FRMPD4: variants seen among roughly 807,000 people sequenced by gnomAD.
The protein encoded by FRMPD4 is FERM and PDZ domain containing 4, also known as FERM and PDZ domain-containing protein 4.
FRMPD4 carries 22 observed loss-of-function variants against 94.1 expected under a neutral mutation model. The ratio of observed to expected loss-of-function variants is 0.23; its 90% CI spans 0.17 to 0.33. The LOEUF (loss-of-function observed/expected upper bound fraction) is 0.33. Among genes scored for constraint, FRMPD4 ranks in the 10% least tolerant of loss-of-function variants. FRMPD4 has a pLI of 1.00. For synonymous variants in FRMPD4, 631 were observed against 548.6 expected (o/e 1.15, Z -2.10); for missense variants, 1,111 against 1,339.9 (o/e 0.83, Z 2.67).
intron 2 of FRMPD4, among the ~76,000 whole-genome samples, chrX:11,877,868 G>A (rs975811393): frequency 5.4e-5 from 6 of 111,795 alleles, no homozygotes; most frequent in African/African-American, 2.0e-4. Context: ...AAAGAATAAA[G>A]AAGAGGTTCT....
chrX:12,481,950 A>AAAAAAAATAAAAAAT lies in FRMPD4; in HGVS notation c.42-16723_42-16722insTAAAAAATAAAAAAA, dbSNP rs1445417361. ...AGAGCAAGACTACATCTCAAAAAAA[A>AAAAAAAATAAAAAAT]AAAAAAAAAAAAAAAAAAAAAGAAA... On this transcript the variant is annotated intron_variant, in intron 1 of 16. Coordinates refer to ENST00000675598, the MANE Select transcript of FRMPD4 (RefSeq NM_001368397.1). 5.8e-4 allele frequency among the ~76,000 whole-genome samples: 51 copies of AAAAAAAATAAAAAAT among 88,385 alleles called. 1 individual carries two copies. Among genetic ancestry groups the AAAAAAAATAAAAAAT allele is most frequent in the Middle Eastern group, 5.6e-3 (1 of 178 alleles). 76.8% of individuals were successfully genotyped at this position (88,385 alleles called of 115,157 possible). A position where few individuals can be genotyped will look rare whatever the true frequency, so the allele number is the denominator to read the frequency against.
intron 2 of FRMPD4, among the ~76,000 whole-genome samples, chrX:12,508,991 CAAAA>C (rs770698547): frequency 8.2e-4 from 25 of 30,534 alleles, no homozygotes; most frequent in Non-Finnish European, 1.2e-3. Flanking sequence ...GACTCTGTCT[CAAAA>C]AAAAAAAAAA....
chrX:12,160,707 G>A (rs941006365), intron 1 of FRMPD4, among the ~76,000 whole-genome samples: 13 of 111,443 alleles, frequency 1.2e-4, no homozygotes, highest in East Asian at 2.8e-4. Context: ...AGGCAGAAGG[G>A]TATCACATTC....
Position 11,998,613 on chromosome X carries a change from G to T in FRMPD4, c.95+120595G>T, listed in dbSNP as rs776130504. On this transcript the variant is annotated intron_variant, in intron 3 of 18. Coordinates refer to the FRMPD4 transcript ENST00000640291. ...AGACCATGGCCTTACTGTCTTTTCT[G>T]CCTAACTGCAGTCTAAAATCCTGTT... Among the ~76,000 whole-genome samples the T allele has an allele frequency of 7.2e-5, 8 of 111,245 alleles. No individual in the cohort carries two copies. In the East Asian group the frequency reaches 2.3e-3, roughly 31 times the overall value.
chrX:11,874,794 G>C (rs1569116026), intron 2 of FRMPD4, among the ~76,000 whole-genome samples: 1 of 112,041 alleles, frequency 8.9e-6, no homozygotes, highest in Non-Finnish European at 1.9e-5. Flanking sequence ...TGTGAATCAT[G>C]TGTTTGAGGA....
chrX:12,521,096 G>C (rs925865152), intron 2 of FRMPD4, among the ~76,000 whole-genome samples: 4 of 112,124 alleles, frequency 3.6e-5, no homozygotes, highest in Non-Finnish European at 7.5e-5. Flanking sequence ...ACTGAAATTT[G>C]AATTTTATAT....
At chrX:12,719,733 G>T (rs1404359457) in intron 16 of FRMPD4, among the ~76,000 whole-genome samples, 1 of 110,946 alleles carries the variant, frequency 9.0e-6, no homozygotes, top group Non-Finnish European at 1.9e-5. Context: ...TCTAAACTAA[G>T]TCACACTGTT....
chrX:12,536,904 A>G (rs2148299112), intron 2 of FRMPD4, among the ~76,000 whole-genome samples: 1 of 111,683 alleles, frequency 9.0e-6, no homozygotes, highest in East Asian at 2.8e-4. Context: ...TAAAATTTTG[A>G]TAATTCCTTC....
At chrX:11,896,723 T>A (rs1270380506) in intron 3 of FRMPD4, among the ~76,000 whole-genome samples, 2 of 112,385 alleles carry the variant, frequency 1.8e-5, no homozygotes, top group Non-Finnish European at 3.8e-5. Flanking sequence ...TCATGTCAAG[T>A]GACCATAGCA....
At chrX:12,030,251 A>C (rs1569145387) in intron 3 of FRMPD4, among the ~76,000 whole-genome samples, 1 of 112,274 alleles carries the variant, frequency 8.9e-6, no homozygotes. Flanking sequence ...CTACATTGCA[A>C]CATCTTTTGT....
intron 1 of FRMPD4, among the ~76,000 whole-genome samples, chrX:12,445,018 G>C (rs2057178895): frequency 1.8e-5 from 2 of 112,079 alleles, no homozygotes; most frequent in Non-Finnish European, 3.8e-5. Flanking sequence ...TCCTGTTCTT[G>C]ATCCTTTGGG....
At chrX:12,153,816 A>T (rs1173627119) in intron 1 of FRMPD4, among the ~76,000 whole-genome samples, 2 of 112,589 alleles carry the variant, frequency 1.8e-5, no homozygotes, top group African/African-American at 6.5e-5. Context: ...GTTTGTGTTA[A>T]GCTAAGAATG....
chrX:12,185,972 A>G lies in FRMPD4; in HGVS notation c.41+46960A>G, dbSNP rs150204065. Among the ~76,000 whole-genome samples, 534 of 111,747 alleles carry G rather than the reference A, an allele frequency of 4.8e-3. 5 individuals are homozygous for G. The highest frequency in any genetic ancestry group is 0.016 in the African/African-American group (508 of 30,808). Reference sequence around the variant, plus strand: ...ATGTTTTTGGCTGCCAATTACTTACATATGAAAGACAATTAAGTGATTATA... The same window carrying G: ...ATGTTTTTGGCTGCCAATTACTTACGTATGAAAGACAATTAAGTGATTATA... On this transcript the variant is annotated intron_variant, in intron 1 of 16. Transcript: ENST00000675598.
chrX:12,164,362 A>G (rs182090567), intron 1 of FRMPD4, among the ~76,000 whole-genome samples: 1,297 of 111,510 alleles, frequency 0.012, 19 homozygotes, highest in African/African-American at 0.039. Flanking sequence ...CCATGTCCCT[A>G]CAAAGGACAT....
At chrX:12,177,875 G>T (rs1381216449) in intron 1 of FRMPD4, among the ~76,000 whole-genome samples, 2 of 111,776 alleles carry the variant, frequency 1.8e-5, no homozygotes, top group Admixed American at 1.9e-4. Context: ...TAATTCAGGG[G>T]TCTATACTTT....
chrX:12,046,355 G>T (rs1036389558), intron 3 of FRMPD4, among the ~76,000 whole-genome samples: 2 of 110,968 alleles, frequency 1.8e-5, no homozygotes, highest in Admixed American at 9.6e-5. Context: ...CAACACAGAA[G>T]ACTTCTGTGA....
intron 3 of FRMPD4, among the ~76,000 whole-genome samples, chrX:12,065,533 C>T (rs1385950699): frequency 8.9e-6 from 1 of 111,946 alleles, no homozygotes; most frequent in Admixed American, 9.5e-5. Context: ...CCTCCTTCCT[C>T]CCTCTCCACT....
intron 3 of FRMPD4, among the ~76,000 whole-genome samples, chrX:11,887,998 A>G (rs910759244): frequency 2.7e-5 from 3 of 112,733 alleles, no homozygotes; most frequent in African/African-American, 9.7e-5. Flanking sequence ...TTGTAAGTGC[A>G]GAATTTTCTT....
At chrX:11,884,832 A>G (rs758857850) in intron 3 of FRMPD4, among the ~76,000 whole-genome samples, 1 of 111,759 alleles carries the variant, frequency 8.9e-6, no homozygotes, top group Non-Finnish European at 1.9e-5. Flanking sequence ...ATAATAGAGG[A>G]GAGATTAAAT....
Sources: allele counts gnomAD v4.1 joint callset (sites outside exome capture counted in the v4.1 genomes callset), GRCh38; gene constraint gnomAD v4.1.1; transcripts MANE v1.5; gene names NCBI Gene and HGNC (gene_info 2026-07-23, HGNC 2026-07-21).